The following COL11A1 variants were observed in gnomAD, a reference collection of about 807,000 sequenced individuals.
COL11A1 encodes collagen type XI alpha 1 chain, also known as collagen alpha-1(XI) chain.
COL11A1 carries 74 observed loss-of-function variants against 265.2 expected under a neutral mutation model. The observed-to-expected ratio is 0.28, with a 90% CI of 0.23 to 0.34. The LOEUF is 0.34. Among genes scored for constraint, COL11A1 ranks in the 10% least tolerant of loss-of-function variants. The pLI is 1.00. For missense variants in COL11A1, 2,165 were observed against 2,263.6 expected (o/e 0.96, Z 0.88); for synonymous variants, 816 against 727.6 (o/e 1.12, Z -1.96).
intron 1 of COL11A1, among the ~76,000 whole-genome samples, chr1:103,096,531 T>G (rs1673780677): frequency 6.6e-6 from 1 of 151,966 alleles, no homozygotes; most frequent in Admixed American, 6.6e-5. Flanking sequence ...TAATAAATAC[T>G]GTTAGAAATC....
At chr1:102,927,835 C>G (rs544420406) in intron 46 of COL11A1, among the ~76,000 whole-genome samples, 1 of 152,000 alleles carries the variant, frequency 6.6e-6, no homozygotes, top group East Asian at 1.9e-4. Context: ...CTTAAATGAT[C>G]GACTTAATTT....
chr1:102,993,691 C>T (rs923474674), intron 28 of COL11A1, among the ~76,000 whole-genome samples: 1 of 151,998 alleles, frequency 6.6e-6, no homozygotes, highest in East Asian at 1.9e-4. Flanking sequence ...GTGCGCATCA[C>T]AGTACCTGGC....
chr1:102,984,160 T>C lies in COL11A1; in HGVS notation c.2534A>G (p.Tyr845Cys). ...TACCTTTGGACCTTGTCTTCCTGGA[T>C]ATCCTGGTAATCCTGGAACTCCAAG... ...GKLGVPGLPGYPGRQGPKGST... is the reference protein window; with the variant it reads ...GKLGVPGLPGCPGRQGPKGST... The change falls in exon 31 of 67, where the codon TAT (tyrosine) becomes TGT (cysteine). Residue 845 changes from tyrosine (Y) to cysteine (C), a missense_variant. Physicochemically the swap from Tyr to Cys is radical, Grantham distance 194. Coordinates refer to ENST00000370096, the MANE Select transcript of COL11A1 (RefSeq NM_001854.4). 1 of 1,602,304 alleles carries C rather than the reference T, an allele frequency of 6.2e-7. No individual in the cohort carries two copies. Among genetic ancestry groups the C allele is most frequent in the South Asian group, 1.1e-5 (1 of 90,134 alleles).
At chr1:102,965,570 C>A (rs377203694) in intron 37 of COL11A1, 30 bp from the exon 38 acceptor site, 1 of 1,586,000 alleles carries the variant, frequency 6.3e-7, no homozygotes, top group African/African-American at 1.3e-5. Context: ...TTTGTAAAAG[C>A]TACATACAAC....
At chr1:102,973,932 T>C (rs1359974452) in intron 36 of COL11A1, among the ~76,000 whole-genome samples, 2 of 152,196 alleles carry the variant, frequency 1.3e-5, no homozygotes, top group Non-Finnish European at 2.9e-5. Context: ...GTATGGGTAG[T>C]ATTGTTCATC....
intron 4 of COL11A1, among the ~76,000 whole-genome samples, chr1:103,072,907 ATT>A (rs1034582547): frequency 2.6e-5 from 4 of 151,796 alleles, no homozygotes; most frequent in Non-Finnish European, 5.9e-5. Flanking sequence ...TTAAGTAAAA[ATT>A]GTTTCCCCTT....
chr1:103,058,628 G>A (rs1670417726), intron 4 of COL11A1, among the ~76,000 whole-genome samples: 1 of 152,036 alleles, frequency 6.6e-6, no homozygotes, highest in Non-Finnish European at 1.5e-5. Flanking sequence ...ATAGGTCATT[G>A]TGGGGTTACT....
intron 41 of COL11A1, among the ~76,000 whole-genome samples, chr1:102,948,443 A>G (rs1362353715): frequency 6.6e-6 from 1 of 152,090 alleles, no homozygotes; most frequent in East Asian, 1.9e-4. Context: ...CAATGTTTGT[A>G]ATTATTGGGT....
chr1:103,002,437 T>C lies in COL11A1; in HGVS notation c.2088A>G (p.Pro696=). The stretch of plus-strand genomic sequence containing the variant: ...AGTGGCTTAGACTTACCTGAGGTCC[T>C]GGATTCCCTTGTTGACCTGGAGGCC... ...EPGPPGQQGN[P]GPQGLPGPQG... The change falls in exon 23 of 67, where the codon CCA becomes CCG. Residue 696 remains proline, a synonymous_variant. Transcript: ENST00000370096. 6.2e-7 allele frequency: 1 copy of C among 1,609,308 alleles called. No individual in the cohort carries two copies. Among genetic ancestry groups the C allele is most frequent in the South Asian group, 1.1e-5 (1 of 89,854 alleles).
chr1:102,900,513 G>A (rs1399219566), intron 54 of COL11A1, among the ~76,000 whole-genome samples: 2 of 152,024 alleles, frequency 1.3e-5, no homozygotes, highest in African/African-American at 4.8e-5. Flanking sequence ...TTCAATGACA[G>A]TTTTTCCTTA....
At chr1:103,044,674 A>C (rs1488056838) in intron 4 of COL11A1, among the ~76,000 whole-genome samples, 1 of 152,170 alleles carries the variant, frequency 6.6e-6, no homozygotes, top group Non-Finnish European at 1.5e-5. Context: ...TGTCTGCTAT[A>C]GATGACCTAT....
intron 44 of COL11A1, 126 bp downstream of exon 44, chr1:102,938,909 G>A: frequency 1.3e-6 from 1 of 780,828 alleles, no homozygotes. Context: ...AACTGCAGAG[G>A]TAATGTAGTA....
At chr1:103,028,580 A>G (rs1289507173) in intron 5 of COL11A1, among the ~76,000 whole-genome samples, 1 of 152,160 alleles carries the variant, frequency 6.6e-6, no homozygotes, top group Non-Finnish European at 1.5e-5. Flanking sequence ...AAATATATGC[A>G]AAAAGACAGG....
intron 2 of COL11A1, among the ~76,000 whole-genome samples, chr1:103,081,419 C>G (rs916275087): frequency 6.6e-6 from 1 of 151,742 alleles, no homozygotes; most frequent in Admixed American, 6.6e-5. Context: ...TACCTTTTTA[C>G]TTTTAATTTT....
intron 35 of COL11A1, among the ~76,000 whole-genome samples, chr1:102,978,296 C>A (rs1310436119): frequency 1.3e-5 from 2 of 152,072 alleles, no homozygotes; most frequent in East Asian, 3.9e-4. Context: ...TATATTGATT[C>A]TGGCTTAATG....
At chr1:102,977,778 C>T (rs1488687432) in intron 35 of COL11A1, among the ~76,000 whole-genome samples, 3 of 151,998 alleles carry the variant, frequency 2.0e-5, no homozygotes, top group Non-Finnish European at 2.9e-5. Context: ...GAGTGAGAAA[C>T]ATTTAGCGGA....
intron 36 of COL11A1, among the ~76,000 whole-genome samples, chr1:102,970,816 C>A (rs1270349889): frequency 6.6e-6 from 1 of 151,912 alleles, no homozygotes; most frequent in Non-Finnish European, 1.5e-5. Context: ...AGGATCAAGA[C>A]CATTCTGACC....
At chr1:102,937,854 A>C (rs1658310580) in intron 44 of COL11A1, among the ~76,000 whole-genome samples, 1 of 152,156 alleles carries the variant, frequency 6.6e-6, no homozygotes, top group South Asian at 2.1e-4. Flanking sequence ...AAAACAGACT[A>C]AGGCAGATAC....
intron 4 of COL11A1, among the ~76,000 whole-genome samples, chr1:103,065,150 G>T (rs1407999609): frequency 6.7e-6 from 1 of 149,320 alleles, no homozygotes; most frequent in Non-Finnish European, 1.5e-5. Context: ...GGGGCAAATA[G>T]TATATGGGAA....
Sources: gnomAD v4.1 joint callset for allele counts (sites outside exome capture counted in the v4.1 genomes callset) on GRCh38, gnomAD v4.1.1 for gene constraint, MANE v1.5 for transcripts, NCBI Gene and HGNC (gene_info 2026-07-23, HGNC 2026-07-21) for gene names.